AKAP19: variants seen among roughly 807,000 people sequenced by gnomAD.
The protein encoded by AKAP19 is small A-kinase anchoring protein.
At chr2:190,029,142 T>C in the AKAP19 span, among the ~76,000 whole-genome samples, 1 of 151,854 alleles carries the variant, frequency 6.6e-6, no homozygotes, top group Non-Finnish European at 1.5e-5. Flanking sequence ...AACTTCCACC[T>C]CCCAGGTTCA....
At chr2:190,171,165 A>G in the AKAP19 span, among the ~76,000 whole-genome samples, 6 of 152,164 alleles carry the variant, frequency 3.9e-5, no homozygotes. Flanking sequence ...TGGGTTATCC[A>G]TAAATTGCCT....
chr2:190,101,434 C>G, the AKAP19 span, among the ~76,000 whole-genome samples: 1 of 152,010 alleles, frequency 6.6e-6, no homozygotes, highest in Non-Finnish European at 1.5e-5. Flanking sequence ...GCAGGGCTCT[C>G]TCCACTCCAC....
the AKAP19 span, among the ~76,000 whole-genome samples, chr2:190,057,864 A>G: frequency 7.2e-5 from 11 of 152,040 alleles, no homozygotes; most frequent in Non-Finnish European, 1.5e-4. Context: ...GGTCAGTACC[A>G]TGTCTTTTTA....
the AKAP19 span, among the ~76,000 whole-genome samples, chr2:190,027,041 C>T: frequency 6.6e-6 from 1 of 152,130 alleles, no homozygotes; most frequent in African/African-American, 2.4e-5. Flanking sequence ...TAATCCATGT[C>T]CAAAATTCCA....
chr2:190,061,634 A>G, the AKAP19 span, among the ~76,000 whole-genome samples: 1 of 151,992 alleles, frequency 6.6e-6, no homozygotes, highest in Non-Finnish European at 1.5e-5. Context: ...TGCTATGTTT[A>G]CTTCATTATT....
chr2:190,126,308 AAAAAAAAAAAAAAAAAG>A, the AKAP19 span, among the ~76,000 whole-genome samples: 2 of 135,664 alleles, frequency 1.5e-5, no homozygotes, highest in Non-Finnish European at 3.2e-5. Context: ...AAAAAAAAAA[AAAAAAAAAAAAAAAAAG>A]GTGTATATTT....
the AKAP19 span, among the ~76,000 whole-genome samples, chr2:189,941,865 T>C: frequency 6.6e-6 from 1 of 152,164 alleles, no homozygotes; most frequent in African/African-American, 2.4e-5. Flanking sequence ...TTAAAAGTCA[T>C]AGTGTCTAAA....
chr2:189,919,156 C>G, the AKAP19 span, among the ~76,000 whole-genome samples: 1 of 152,136 alleles, frequency 6.6e-6, no homozygotes, highest in East Asian at 1.9e-4. Context: ...CCTCTGTGGA[C>G]AGGGGGGACT....
chr2:190,093,292 G>A, the AKAP19 span, among the ~76,000 whole-genome samples: 1 of 152,002 alleles, frequency 6.6e-6, no homozygotes, highest in African/African-American at 2.4e-5. Context: ...AATTAGCCGG[G>A]AGTGGTGGTG....
At chr2:189,974,578 G>A in the AKAP19 span, among the ~76,000 whole-genome samples, 38 of 152,134 alleles carry the variant, frequency 2.5e-4, no homozygotes, top group Admixed American at 2.5e-3. Flanking sequence ...TAGCAGTGGG[G>A]TGTTAAAGTC....
chr2:190,070,879 CCTTTA>C, the AKAP19 span, among the ~76,000 whole-genome samples: 2 of 151,850 alleles, frequency 1.3e-5, no homozygotes, highest in African/African-American at 2.4e-5. Context: ...TAGTAAGGAC[CCTTTA>C]CTTAGATTTT....
At chr2:189,943,518 A>AG in the AKAP19 span, among the ~76,000 whole-genome samples, 1 of 152,216 alleles carries the variant, frequency 6.6e-6, no homozygotes, top group Non-Finnish European at 1.5e-5. Flanking sequence ...AGCAGTGCCA[A>AG]GGGGAAATGT....
chr2:189,935,177 A>C, the AKAP19 span, among the ~76,000 whole-genome samples: 1 of 152,072 alleles, frequency 6.6e-6, no homozygotes, highest in Non-Finnish European at 1.5e-5. Context: ...TAAAGTATGA[A>C]ATACAGAGCA....
the AKAP19 span, among the ~76,000 whole-genome samples, chr2:190,158,800 G>A: frequency 6.6e-6 from 1 of 152,284 alleles, no homozygotes; most frequent in African/African-American, 2.4e-5. Context: ...ATGATCACAG[G>A]GCAGAAGCCT....
chr2:189,953,205 C>T, the AKAP19 span, among the ~76,000 whole-genome samples: 2 of 152,038 alleles, frequency 1.3e-5, no homozygotes, highest in Non-Finnish European at 2.9e-5. Context: ...CCTTGTCCGT[C>T]GAGTTCACTA....
the AKAP19 span, among the ~76,000 whole-genome samples, chr2:190,196,063 T>C: frequency 1.3e-5 from 2 of 151,850 alleles, no homozygotes; most frequent in South Asian, 4.2e-4. Flanking sequence ...TTTCAATTGT[T>C]ATTTTTAGTC....
At chr2:189,965,889 A>G in the AKAP19 span, among the ~76,000 whole-genome samples, 2 of 152,184 alleles carry the variant, frequency 1.3e-5, no homozygotes. Context: ...AAAATGTGGA[A>G]TCAGCCCAAA....
chr2:190,038,666 C>T, the AKAP19 span, among the ~76,000 whole-genome samples: 1 of 152,068 alleles, frequency 6.6e-6, no homozygotes, highest in Admixed American at 6.5e-5. Context: ...TTTCTCCAAC[C>T]CAGGAAAAAA....
the AKAP19 span, among the ~76,000 whole-genome samples, chr2:189,898,744 T>A: frequency 6.6e-6 from 1 of 152,162 alleles, no homozygotes. Flanking sequence ...TCATTCAAGC[T>A]CTAATCACTT....
Sources: gnomAD v4.1 joint callset for allele counts (sites outside exome capture counted in the v4.1 genomes callset) on GRCh38, gnomAD v4.1.1 for gene constraint, MANE v1.5 for transcripts, NCBI Gene and HGNC (gene_info 2026-07-23, HGNC 2026-07-21) for gene names.